RPH3A: variants seen among roughly 807,000 people sequenced by gnomAD.
The protein encoded by RPH3A is rabphilin-3A.
In RPH3A, 48 loss-of-function variants were observed where a neutral mutation model predicts 102.2. That is an observed-to-expected ratio of 0.47 (90% CI 0.37 to 0.60). The LOEUF is 0.60. Ranked by LOEUF, RPH3A falls within the 20% of genes least tolerant of loss-of-function variation. The pLI, the probability that RPH3A is intolerant of heterozygous loss-of-function variation, is 0.00. For missense variants in RPH3A, 781 were observed against 910.1 expected (o/e 0.86, Z 1.83); for synonymous variants, 310 against 324.3 (o/e 0.96, Z 0.47).
intron 1 of RPH3A, among the ~76,000 whole-genome samples, chr12:112,606,138 C>G (rs2039594789): frequency 6.6e-6 from 1 of 152,242 alleles, no homozygotes; most frequent in South Asian, 2.1e-4. Context: ...ACTCTATGTA[C>G]TGTGCTACAT....
At chr12:112,804,051 T>C (rs1011185654) in intron 2 of RPH3A, among the ~76,000 whole-genome samples, 1 of 152,242 alleles carries the variant, frequency 6.6e-6, no homozygotes, top group Non-Finnish European at 1.5e-5. Context: ...TTAAAAAAAT[T>C]ACTTTTAGAT....
At chr12:112,604,710 T>C (rs2039582880) in intron 1 of RPH3A, among the ~76,000 whole-genome samples, 1 of 152,202 alleles carries the variant, frequency 6.6e-6, no homozygotes, top group South Asian at 2.1e-4. Context: ...AGGCCTCTCA[T>C]GAGGTTGTAG....
At position 112,753,077 on chromosome 12, in the gene RPH3A, T is replaced by C. The variant is rs2040796390; in HGVS notation, c.-139-39066T>C. 2.6e-5 allele frequency among the ~76,000 whole-genome samples: 4 copies of C among 151,902 alleles called. No homozygotes were observed. The South Asian group carries it at 8.3e-4, about 32-fold the overall frequency. On this transcript the variant is annotated intron_variant, in intron 1 of 21. Coordinates refer to the RPH3A transcript ENST00000543106. ...TTTCATAGGTGGATTGTTATTGATGTCTAAGCACGATCGATTCAGACTGTT... is the reference window on the plus strand; with the variant it reads ...TTTCATAGGTGGATTGTTATTGATGCCTAAGCACGATCGATTCAGACTGTT...
chr12:112,891,631 A>T (rs1016208239), intron 19 of RPH3A, among the ~76,000 whole-genome samples: 1 of 152,194 alleles, frequency 6.6e-6, no homozygotes, highest in Non-Finnish European at 1.5e-5. Flanking sequence ...AGGGGACTAG[A>T]TAGAGAAGTT....
At chr12:112,593,755 C>A (rs555902479) in intron 1 of RPH3A, among the ~76,000 whole-genome samples, 76 of 152,238 alleles carry the variant, frequency 5.0e-4, no homozygotes, top group Non-Finnish European at 2.9e-5. Context: ...GGAGATTAGG[C>A]AGTTATCCTG....
intron 8 of RPH3A, 185 bp downstream of exon 8, chr12:112,868,780 C>T: frequency 1.7e-6 from 1 of 593,074 alleles, no homozygotes; most frequent in Non-Finnish European, 2.8e-6. Context: ...AAGAGGGTAG[C>T]ACAGGGAACT....
At chr12:112,798,909 T>A (rs1420605316) in intron 2 of RPH3A, among the ~76,000 whole-genome samples, 1 of 151,974 alleles carries the variant, frequency 6.6e-6, no homozygotes, top group Non-Finnish European at 1.5e-5. Flanking sequence ...CTCTCCGTCT[T>A]CCTCCTCTCC....
At chr12:112,614,969 G>A (rs1379945669) in intron 1 of RPH3A, among the ~76,000 whole-genome samples, 2 of 151,982 alleles carry the variant, frequency 1.3e-5, no homozygotes, top group African/African-American at 4.8e-5. Context: ...ATGCTAATAT[G>A]AAAATAAGCA....
chr12:112,628,838 C>G (rs2039784317), intron 1 of RPH3A, among the ~76,000 whole-genome samples: 1 of 152,012 alleles, frequency 6.6e-6, no homozygotes, highest in African/African-American at 2.4e-5. Context: ...ATTCTCGTGT[C>G]TGCTGTGAGG....
chr12:112,605,088 AC>A (rs1277119021), intron 1 of RPH3A, among the ~76,000 whole-genome samples: 4 of 152,210 alleles, frequency 2.6e-5, no homozygotes, highest in South Asian at 4.1e-4. Context: ...AAACCACCAC[AC>A]TCAGGACAGG....
At chr12:112,784,564 G>A (rs570967120) in intron 1 of RPH3A, among the ~76,000 whole-genome samples, 47 of 152,300 alleles carry the variant, frequency 3.1e-4, no homozygotes, top group African/African-American at 1.1e-3. Flanking sequence ...AAAGATACAA[G>A]CATCAAAAGT....
Position 112,858,108 on chromosome 12 carries a change from A to T in RPH3A, c.231-7306A>T, listed in dbSNP as rs568121473. On this transcript the variant is annotated intron_variant, in intron 5 of 21. Transcript: ENST00000389385. ...AGCAATATAGTGAGACCTCATATCT[A>T]TAAAAAATAATAGCTGGACGTAGTG... Among the ~76,000 whole-genome samples, 7 of 151,960 alleles carry T rather than the reference A, an allele frequency of 4.6e-5. No homozygotes were observed. The South Asian group carries it at 1.5e-3, about 32-fold the overall frequency.
At chr12:112,831,169 G>A (rs141954476) in intron 3 of RPH3A, among the ~76,000 whole-genome samples, 3 of 146,094 alleles carry the variant, frequency 2.1e-5, no homozygotes, top group African/African-American at 5.2e-5. Context: ...ATAGTTTGCC[G>A]ATCCATTACA....
At chr12:112,700,044 A>G (rs1308888435) in intron 1 of RPH3A, among the ~76,000 whole-genome samples, 1 of 152,136 alleles carries the variant, frequency 6.6e-6, no homozygotes, top group Non-Finnish European at 1.5e-5. Flanking sequence ...CCACTGACTT[A>G]AAGGAATAAA....
intron 2 of RPH3A, among the ~76,000 whole-genome samples, chr12:112,816,716 G>A (rs1258775447): frequency 6.6e-6 from 1 of 150,424 alleles, no homozygotes; most frequent in Non-Finnish European, 1.5e-5. Context: ...TATTATTAGT[G>A]TATTACTATT....
chr12:112,615,372 G>T (rs1052017093), intron 1 of RPH3A, among the ~76,000 whole-genome samples: 1 of 152,130 alleles, frequency 6.6e-6, no homozygotes, highest in Admixed American at 6.5e-5. Flanking sequence ...TTCCCCACAC[G>T]CACTGCCAGC....
At chr12:112,823,744 G>A (rs2041821037) in intron 2 of RPH3A, among the ~76,000 whole-genome samples, 1 of 152,168 alleles carries the variant, frequency 6.6e-6, no homozygotes, top group Non-Finnish European at 1.5e-5. Flanking sequence ...TATGACGATG[G>A]TTTCTCTGTA....
chr12:112,787,740 A>G (rs1246529048), upstream of RPH3A, among the ~76,000 whole-genome samples: 2 of 152,190 alleles, frequency 1.3e-5, no homozygotes, highest in Non-Finnish European at 2.9e-5. Context: ...AACCATTATC[A>G]TCCTGAAATG....
chr12:112,779,893 A>C (rs112064060), intron 1 of RPH3A, among the ~76,000 whole-genome samples: 3,641 of 152,268 alleles, frequency 0.024, 59 homozygotes, highest in Middle Eastern at 0.031. Flanking sequence ...AAATGGACAC[A>C]GACATAAAAG....
Sources: allele counts gnomAD v4.1 joint callset (sites outside exome capture counted in the v4.1 genomes callset), GRCh38; gene constraint gnomAD v4.1.1; transcripts MANE v1.5; gene names NCBI Gene and HGNC (gene_info 2026-07-23, HGNC 2026-07-21).